ATG9A: variants seen among roughly 807,000 people sequenced by gnomAD.
The protein encoded by ATG9A is autophagy related 9A, also known as autophagy-related protein 9A.
In ATG9A, 21 loss-of-function variants were observed where a neutral mutation model predicts 87.1. The ratio of observed to expected loss-of-function variants is 0.24; its 90% CI spans 0.17 to 0.35. ATG9A has a LOEUF of 0.35. Ranked by LOEUF, ATG9A falls within the 10% of genes least tolerant of loss-of-function variation. The pLI is 1.00. For synonymous variants in ATG9A, 422 were observed against 441.3 expected (o/e 0.96, Z 0.55); for missense variants, 836 against 1,107.3 (o/e 0.76, Z 3.48).
At chr2:219,221,396 C>T in intron 13 of ATG9A, 94 bp from the exon 14 acceptor site, 1 of 1,224,726 alleles carries the variant, frequency 8.2e-7, no homozygotes, top group Non-Finnish European at 1.1e-6. Context: ...CCCGCTTTAC[C>T]CCTTCCCTGA....
In ATG9A at chr2:219,219,917, C is replaced by G. The variant is rs572181640; in HGVS notation, c.*530G>C. On this transcript the variant is annotated 3_prime_UTR_variant, in exon 16 of 16. Coordinates refer to ENST00000361242, the MANE Select transcript of ATG9A (RefSeq NM_001077198.3). ...ACAGAACAGGAGCAAGCAGCACACA[C>G]AGGCCAGTGATGTGCAAGAAGCGGA... The G allele has an allele frequency of 2.6e-4, 42 of 162,830 alleles. No individual in the cohort carries two copies. The highest frequency in any genetic ancestry group is 4.6e-4 in the Non-Finnish European group (34 of 74,226). The allele number at this position is 162,830 out of a possible 1,614,324, so 10.1% of individuals were successfully genotyped here. A position where few individuals can be genotyped will look rare whatever the true frequency, so the allele number is the denominator to read the frequency against.
intron 6 of ATG9A, 27 bp downstream of exon 6, chr2:219,225,384 G>C: frequency 6.2e-7 from 1 of 1,611,670 alleles, no homozygotes; most frequent in Non-Finnish European, 8.5e-7. Context: ...TCAAGGCTAT[G>C]GTGTCCTCTT....
At chr2:219,228,346 G>A (rs753537521) in intron 2 of ATG9A, 88 bp downstream of exon 2, 24 of 314,774 alleles carry the variant, frequency 7.6e-5, no homozygotes, top group African/African-American at 2.6e-4. Flanking sequence ...TCCCTCCCCC[G>A]CCCATCCTGG....
Position 219,222,573 on chromosome 2 carries a change from C to G in ATG9A, c.1848+72G>C. ...AGAGACAGCAGGAAGCCTTCCACCC[C>G]ATGCCCGGTCCCTCAACTCCCAGCT... On this transcript the variant is annotated intron_variant, in intron 11 of 15. Transcript: ENST00000361242. The surrounding 1 kb of genome is among the most constrained non-coding windows in gnomAD (Gnocchi z 4.3). 6.3e-7 allele frequency: 1 copy of G among 1,598,668 alleles called. No homozygotes were observed. The highest frequency in any genetic ancestry group is 8.5e-7 in the Non-Finnish European group (1 of 1,170,064).
At chr2:219,221,978 G>A in intron 13 of ATG9A, 72 bp downstream of exon 13, 1 of 1,360,472 alleles carries the variant, frequency 7.4e-7, no homozygotes, top group Non-Finnish European at 1.0e-6. Context: ...AAATGGCAGA[G>A]AAGGGTTTGG....
In ATG9A at chr2:219,224,868, T is replaced by TGGGGTG; in HGVS notation, c.517-15_517-14insCACCCC. ...CGGAAGGGCAGACTGCGGGGTGGGG[T>TGGGGTG]GGGGAAGAGACAAGGTACGGAAGGT... On this transcript the variant is annotated splice_polypyrimidine_tract_variant and intron_variant, in intron 7 of 15. Coordinates refer to ENST00000361242, the MANE Select transcript of ATG9A (RefSeq NM_001077198.3). This position sits in a 1 kb window ranked among gnomAD's most constrained non-coding sequence, Gnocchi z 7.7. The TGGGGTG allele has an allele frequency of 6.2e-7, 1 of 1,609,664 alleles. No homozygotes were observed. The highest frequency in any genetic ancestry group is 8.5e-7 in the Non-Finnish European group (1 of 1,177,800).
chr2:219,229,354 GCC>G lies in ATG9A; in HGVS notation c.-82+179_-82+180del, dbSNP rs1950953233. 6.6e-6 allele frequency: 1 copy of G among 151,290 alleles called. No individual in the cohort carries two copies. Among genetic ancestry groups the G allele is most frequent in the South Asian group, 2.1e-4 (1 of 4,790 alleles). The allele number at this position is 151,290 out of a possible 1,614,324, so 9.4% of individuals were successfully genotyped here. Reference sequence around the variant, plus strand: ...GGACAACCTCGCGCGCGGCCCCGGCGCCCGCGCGCGCCCCCGTCTGCGCGCGC... The same window carrying G: ...GGACAACCTCGCGCGCGGCCCCGGCGCGCGCGCGCCCCCGTCTGCGCGCGC... On this transcript the variant is annotated intron_variant, in intron 1 of 15. Coordinates refer to ENST00000361242, the MANE Select transcript of ATG9A (RefSeq NM_001077198.3). The surrounding 1 kb of genome is among the most constrained non-coding windows in gnomAD (Gnocchi z 4.2).
At position 219,220,763 on chromosome 2, in the gene ATG9A, G is replaced by C. The variant is rs770934025; in HGVS notation, c.2498C>G (p.Pro833Arg). ...VPEEGSEDEL[P>R]PQVHKV is the part of the protein sequence containing the mutation. The stretch of plus-strand genomic sequence containing the variant: ...GGCCCTTACCTTGTGCACCTGAGGG[G>C]GTAGCTCATCCTCCGAGCCCTCTTC... Residue 833 changes from proline to arginine, a missense_variant, in exon 15 of 16, where the codon CCC becomes CGC. Around this residue, in one of 2 missense-constraint regions of ATG9A, gnomAD observed 324 missense variants for 347.6 expected, o/e 0.93. Coordinates refer to ENST00000361242, the MANE Select transcript of ATG9A (RefSeq NM_001077198.3). 2.0e-5 allele frequency: 32 copies of C among 1,613,168 alleles called. No individual in the cohort carries two copies. Among genetic ancestry groups the C allele is most frequent in the Non-Finnish European group, 2.5e-5 (30 of 1,179,902 alleles).
At chr2:219,221,334 C>A (rs1195860612) in intron 13 of ATG9A, 32 bp from the exon 14 acceptor site, 2 of 1,510,416 alleles carry the variant, frequency 1.3e-6, no homozygotes, top group East Asian at 2.4e-5. Flanking sequence ...TAGTGGGGGA[C>A]AGACGGATGT....
In ATG9A at chr2:219,221,185, A is replaced by T; in HGVS notation, c.2263T>A (p.Ser755Thr). 6.3e-7 allele frequency: 1 copy of T among 1,598,820 alleles called. No homozygotes were observed. The highest frequency in any genetic ancestry group is 8.5e-7 in the Non-Finnish European group (1 of 1,172,898). ...GGATAGCTAGCAGAGCGAGGGATAG[A>T]CTGGGGGGCCCGGGCGCCCTCTCCC... ...EGGEGARAPQ[S>T]IPRSASYPCA... is the part of the protein sequence containing the mutation. The change falls in exon 14 of 16, where the codon TCT becomes ACT. Residue 755 changes from serine (S) to threonine (T), a missense_variant. Coordinates refer to ENST00000361242, the MANE Select transcript of ATG9A (RefSeq NM_001077198.3).
At position 219,222,383 on chromosome 2, in the gene ATG9A, A is replaced by G. The variant is rs1294377933; in HGVS notation, c.1916T>C (p.Leu639Pro). 8.7e-6 allele frequency: 14 copies of G among 1,609,454 alleles called. No individual in the cohort carries two copies. The highest frequency in any genetic ancestry group is 1.0e-5 in the Non-Finnish European group (12 of 1,177,934). The change falls in exon 12 of 16, where the codon CTG becomes CCG. Residue 639 changes from leucine (L) to proline (P), a missense_variant. By Grantham distance (98) the Leu-to-Pro change is moderately conservative. Around this residue, in one of 2 missense-constraint regions of ATG9A, gnomAD observed 324 missense variants for 347.6 expected, o/e 0.93. Coordinates refer to ENST00000361242, the MANE Select transcript of ATG9A (RefSeq NM_001077198.3). The surrounding 1 kb of genome is among the most constrained non-coding windows in gnomAD (Gnocchi z 4.3). ...SCRGPPLPRD[L>P]QGSRHRAEVA... ...TTCAGCCCTGTGCCTGGAGCCCTGC[A>G]GGTCTCTGGGCAGTGGAGGGCCCCG...
At chr2:219,227,033 T>C in intron 4 of ATG9A, 100 bp from the exon 5 acceptor site, 2 of 990,838 alleles carry the variant, frequency 2.0e-6, no homozygotes, top group Non-Finnish European at 3.2e-6. Flanking sequence ...TGTGACTTTC[T>C]AGCTGTGTGA....
intron 13 of ATG9A, 124 bp downstream of exon 13, chr2:219,221,926 T>C (rs373665258): frequency 2.4e-6 from 2 of 820,860 alleles, no homozygotes; most frequent in South Asian, 1.8e-5. Context: ...CTAAAAAGGA[T>C]ATTAAGAAGG....
At position 219,226,255 on chromosome 2, in the gene ATG9A, C is replaced by T. The variant is rs193074273; in HGVS notation, c.212+614G>A. On this transcript the variant is annotated intron_variant, in intron 5 of 15. Coordinates refer to ENST00000361242, the MANE Select transcript of ATG9A (RefSeq NM_001077198.3). ...CCTCCCAAGTAGCTGGGATTACAGG[C>T]GTGTGCCACCACACCCAGCTAATTT... Among the ~76,000 whole-genome samples, 919 of 152,194 alleles carry T rather than the reference C, an allele frequency of 6.0e-3. 12 individuals are homozygous for T. The highest frequency in any genetic ancestry group is 0.021 in the African/African-American group (865 of 41,546).
chr2:219,220,239 G>A lies in ATG9A; in HGVS notation c.*208C>T, dbSNP rs1039838251. 3.8e-5 allele frequency: 23 copies of A among 608,106 alleles called. No individual in the cohort carries two copies. In the East Asian group the frequency reaches 4.4e-4, roughly 12 times the overall value. The allele number at this position is 608,106 out of a possible 1,614,324, so 37.7% of individuals were successfully genotyped here. On this transcript the variant is annotated 3_prime_UTR_variant, in exon 16 of 16. Coordinates refer to ENST00000361242, the MANE Select transcript of ATG9A (RefSeq NM_001077198.3). ...GTCCTGGGGATGAGGCTAGAGTCCC[G>A]TGTGCCCTCGGTTCCTAGGCCCCAA...
chr2:219,220,652 G>A, intron 15 of ATG9A, 95 bp downstream of exon 15: 1 of 1,518,266 alleles, frequency 6.6e-7, no homozygotes, highest in Non-Finnish European at 9.0e-7. Flanking sequence ...ATCTCTGTGT[G>A]GGGGTGGGGC....
In ATG9A at chr2:219,224,868, T is replaced by G. The variant is rs74441929; in HGVS notation, c.517-14A>C. ...CGGAAGGGCAGACTGCGGGGTGGGG[T>G]GGGGAAGAGACAAGGTACGGAAGGT... On this transcript the variant is annotated splice_polypyrimidine_tract_variant and intron_variant, in intron 7 of 15. Coordinates refer to ENST00000361242, the MANE Select transcript of ATG9A (RefSeq NM_001077198.3). The surrounding 1 kb of genome is among the most constrained non-coding windows in gnomAD (Gnocchi z 7.7). The G allele has an allele frequency of 4.1e-5, 66 of 1,609,612 alleles. No individual in the cohort carries two copies. The South Asian group carries it at 6.7e-4, about 16-fold the overall frequency.
intron 15 of ATG9A, 47 bp from the exon 16 acceptor site, chr2:219,220,499 T>C (rs1295685907): frequency 2.5e-6 from 4 of 1,610,248 alleles, no homozygotes; most frequent in Non-Finnish European, 3.4e-6. Flanking sequence ...CAGCTTCTGG[T>C]TGATACCTGC....
At chr2:219,225,279 A>C in intron 6 of ATG9A, 67 bp from the exon 7 acceptor site, 3 of 1,608,088 alleles carry the variant, frequency 1.9e-6, no homozygotes, top group Non-Finnish European at 2.6e-6. Context: ...AGACGCTGCT[A>C]TCCTGAAGTA....
Sources: allele counts gnomAD v4.1 joint callset (sites outside exome capture counted in the v4.1 genomes callset), GRCh38; gene constraint gnomAD v4.1.1; regional missense constraint gnomAD v4.1.1; non-coding constraint Gnocchi (gnomAD v3.1); transcripts MANE v1.5; gene names NCBI Gene and HGNC (gene_info 2026-07-23, HGNC 2026-07-21).